CALN1: variants seen among roughly 807,000 people sequenced by gnomAD.
CALN1 encodes calcium-binding protein 8.
In CALN1, 17 loss-of-function variants were observed where a neutral mutation model predicts 30.6. The observed-to-expected ratio is 0.56, with a 90% confidence interval of 0.38 to 0.83. The LOEUF (loss-of-function observed/expected upper bound fraction) is 0.83, where lower values mean the gene tolerates loss of function less well. Among genes scored for constraint, CALN1 ranks in the 40% least tolerant of loss-of-function variants. The pLI, the probability that CALN1 is intolerant of heterozygous loss-of-function variation, is 0.00. For missense variants in CALN1, 291 were observed against 354.9 expected (o/e 0.82, Z 1.45); for synonymous variants, 156 against 131.4 (o/e 1.19, Z -1.28).
intron 3 of CALN1, among the ~76,000 whole-genome samples, chr7:72,223,432 T>C (rs897601141): frequency 2.0e-5 from 3 of 152,160 alleles, no homozygotes; most frequent in Admixed American, 6.5e-5. Context: ...AGGTGATTCA[T>C]TTTTTGATGG....
At chr7:71,856,984 T>C (rs1028461641) in intron 5 of CALN1, among the ~76,000 whole-genome samples, 1 of 150,580 alleles carries the variant, frequency 6.6e-6, no homozygotes, top group African/African-American at 2.4e-5. Flanking sequence ...ATAATAATAA[T>C]AACTGTAGAC....
At chr7:72,228,876 C>T (rs370041052) in intron 3 of CALN1, among the ~76,000 whole-genome samples, 1 of 151,336 alleles carries the variant, frequency 6.6e-6, no homozygotes, top group African/African-American at 2.4e-5. Context: ...ATCCTCCCAC[C>T]TCAGCCTCCT....
intron 3 of CALN1, among the ~76,000 whole-genome samples, chr7:72,204,369 G>A (rs568183675): frequency 6.6e-6 from 1 of 151,562 alleles, no homozygotes; most frequent in African/African-American, 2.4e-5. Flanking sequence ...TGTTCATAAT[G>A]TATCAAATTT....
intron 3 of CALN1, among the ~76,000 whole-genome samples, chr7:72,150,780 A>G (rs1787172153): frequency 6.6e-6 from 1 of 152,178 alleles, no homozygotes; most frequent in Non-Finnish European, 1.5e-5. Flanking sequence ...ACTAACATCA[A>G]TCGTGTAAGT....
intron 5 of CALN1, among the ~76,000 whole-genome samples, chr7:71,958,190 A>T (rs1350622773): frequency 2.0e-5 from 3 of 152,060 alleles, no homozygotes; most frequent in African/African-American, 7.2e-5. Context: ...TAATGGATCC[A>T]TCATCTTAAT....
chr7:71,825,968 G>C (rs1160208949), intron 5 of CALN1, among the ~76,000 whole-genome samples: 2 of 147,948 alleles, frequency 1.4e-5, no homozygotes, highest in African/African-American at 5.0e-5. Context: ...GGGTGGTGGA[G>C]GTTGCAGTGA....
intron 2 of CALN1, among the ~76,000 whole-genome samples, chr7:72,378,432 C>A (rs1804692094): frequency 6.6e-6 from 1 of 152,082 alleles, no homozygotes; most frequent in Admixed American, 6.6e-5. Context: ...TTCCAGAGTT[C>A]CAACAAGTTG....
chr7:72,171,050 G>C (rs574082485), intron 3 of CALN1, among the ~76,000 whole-genome samples: 1 of 152,066 alleles, frequency 6.6e-6, no homozygotes, highest in African/African-American at 2.4e-5. Context: ...CCAACCACTC[G>C]GGGGGCTGAG....
At chr7:72,020,877 C>T (rs1216025644) in intron 5 of CALN1, among the ~76,000 whole-genome samples, 2 of 151,658 alleles carry the variant, frequency 1.3e-5, no homozygotes, top group Non-Finnish European at 2.9e-5. Context: ...GCCATAGCTC[C>T]TTCTCATCCA....
intron 4 of CALN1, among the ~76,000 whole-genome samples, chr7:72,072,608 A>G (rs1449255158): frequency 6.6e-6 from 1 of 152,250 alleles, no homozygotes; most frequent in Non-Finnish European, 1.5e-5. Flanking sequence ...TTATGTGGGC[A>G]ATTATAAAAT....
chr7:72,233,977 C>T (rs1362069704), intron 3 of CALN1, among the ~76,000 whole-genome samples: 1 of 152,142 alleles, frequency 6.6e-6, no homozygotes, highest in African/African-American at 2.4e-5. Flanking sequence ...GTACTCCAGC[C>T]TGGGCAACAG....
intron 2 of CALN1, among the ~76,000 whole-genome samples, chr7:72,300,954 A>ACCACACT (rs1405619046): frequency 6.6e-6 from 1 of 152,158 alleles, no homozygotes; most frequent in African/African-American, 2.4e-5. Context: ...AGATCATGCC[A>ACCACACT]CCACACTCCA....
intron 4 of CALN1, among the ~76,000 whole-genome samples, chr7:72,048,084 G>A (rs1278820965): frequency 7.0e-6 from 1 of 143,534 alleles, no homozygotes; most frequent in Non-Finnish European, 1.5e-5. Flanking sequence ...CAGTCACCCA[G>A]GCTGGAGTGC....
At chr7:71,878,462 C>A (rs1440454641) in intron 5 of CALN1, among the ~76,000 whole-genome samples, 1 of 151,928 alleles carries the variant, frequency 6.6e-6, no homozygotes, top group Non-Finnish European at 1.5e-5. Flanking sequence ...TCTCATGGAC[C>A]AGCTGGGCCC....
At chr7:72,389,571 CTGT>C (rs1298493907) in intron 2 of CALN1, among the ~76,000 whole-genome samples, 2 of 152,164 alleles carry the variant, frequency 1.3e-5, no homozygotes, top group East Asian at 1.9e-4. Flanking sequence ...AGTCAAATGA[CTGT>C]TGTTATCTTG....
chr7:72,093,437 G>C (rs1429863478), intron 4 of CALN1, among the ~76,000 whole-genome samples: 1 of 152,212 alleles, frequency 6.6e-6, no homozygotes, highest in African/African-American at 2.4e-5. Context: ...AGATTGGTTT[G>C]CTTGCCTCTA....
chr7:72,166,495 T>A (rs1198512797), intron 3 of CALN1, among the ~76,000 whole-genome samples: 1 of 152,124 alleles, frequency 6.6e-6, no homozygotes, highest in Admixed American at 6.5e-5. Flanking sequence ...CAAGGTGAAA[T>A]TTCTTATTAA....
chr7:72,010,845 G>A (rs1380518288), intron 5 of CALN1, among the ~76,000 whole-genome samples: 12 of 149,876 alleles, frequency 8.0e-5, no homozygotes, highest in African/African-American at 1.2e-4. Flanking sequence ...AAAAGAAAAA[G>A]AAAAGAAAAG....
intron 2 of CALN1, among the ~76,000 whole-genome samples, chr7:72,333,340 G>T (rs1801800491): frequency 6.6e-6 from 1 of 152,116 alleles, no homozygotes; most frequent in African/African-American, 2.4e-5. Flanking sequence ...CCACATAATA[G>T]GCACTGAATA....
Sources: allele counts gnomAD v4.1 joint callset (sites outside exome capture counted in the v4.1 genomes callset), GRCh38; gene constraint gnomAD v4.1.1; transcripts MANE v1.5; gene names NCBI Gene and HGNC (gene_info 2026-07-23, HGNC 2026-07-21).